Variants in SNX10 observed in about 807,000 individuals in gnomAD.
SNX10 encodes the protein sorting nexin 10, also known as sorting nexin-10.
Under a neutral mutation model 28.5 loss-of-function variants are expected in SNX10, and 25 were observed. The ratio of observed to expected loss-of-function variants is 0.88; its 90% CI spans 0.64 to 1.22. SNX10 has a LOEUF of 1.22. Among genes scored for constraint, SNX10 ranks in the 50% most tolerant of loss-of-function variants. The probability of loss-of-function intolerance (pLI) is 0.00; values close to 1 mark genes in which losing one functional copy is unlikely to be tolerated. For missense variants in SNX10, 223 were observed against 242.6 expected, an observed-to-expected ratio of 0.92 and a Z score of 0.54; for synonymous variants, 62 against 81.4, an observed-to-expected ratio of 0.76 and a Z score of 1.28.
intron 1 of SNX10, among the ~76,000 whole-genome samples, chr7:26,304,119 A>G (rs553699603): frequency 3.4e-4 from 51 of 152,202 alleles, no homozygotes; most frequent in Non-Finnish European, 6.3e-4. Context: ...TGCACTGTGC[A>G]GATTAGGGCT....
At chr7:26,372,350 A>C in intron 6 of SNX10, 141 bp from the exon 7 acceptor site, 1 of 677,718 alleles carries the variant, frequency 1.5e-6, no homozygotes, top group Non-Finnish European at 2.6e-6. Context: ...CTGCACTCCA[A>C]ATGGCTAATT....
intron 1 of SNX10, among the ~76,000 whole-genome samples, chr7:26,342,405 G>C (rs1386983185): frequency 6.6e-6 from 1 of 152,136 alleles, no homozygotes; most frequent in Middle Eastern, 3.2e-3. Flanking sequence ...CCATACAATT[G>C]CGCTGTCATT....
intron 1 of SNX10, among the ~76,000 whole-genome samples, chr7:26,310,497 T>C (rs2127997118): frequency 6.6e-6 from 1 of 152,266 alleles, no homozygotes; most frequent in South Asian, 2.1e-4. Context: ...AATGAAAGGA[T>C]AGAGTTCCTA....
chr7:26,356,338 T>G (rs1310772670), intron 2 of SNX10, among the ~76,000 whole-genome samples: 1 of 152,236 alleles, frequency 6.6e-6, no homozygotes, highest in Non-Finnish European at 1.5e-5. Flanking sequence ...AATAAGGTTA[T>G]TAAATTGACT....
chr7:26,340,090 AC>A lies in SNX10; in HGVS notation c.-23-6329del, dbSNP rs559582842. On this transcript the variant is annotated intron_variant, in intron 1 of 6. Coordinates refer to ENST00000338523, the MANE Select transcript of SNX10 (RefSeq NM_013322.3). ...AATATGTGATCCTTTCTCACTCCTT[AC>A]ATGTATAGTCCACAAACTTTTGGTC... is the stretch of plus-strand genomic sequence containing the variant. 3.4e-3 allele frequency among the ~76,000 whole-genome samples: 518 copies of A among 152,118 alleles called. 2 individuals carry two copies. Among genetic ancestry groups the A allele is most frequent in the Non-Finnish European group, 6.0e-3 (409 of 67,996 alleles).
chr7:26,372,536 T>C lies in SNX10; in HGVS notation c.570T>C (p.His190=). The C allele has an allele frequency of 1.2e-6, 2 of 1,610,308 alleles. No homozygotes were observed. The highest frequency in any genetic ancestry group is 1.1e-5 in the South Asian group (1 of 90,980). Residue 190 remains histidine (H), a synonymous_variant, in exon 7 of 7, where the codon CAT becomes CAC. Transcript: ENST00000338523. ...ACAGTAGTGATGACAGCAGTTCACA[T>C]GGATGTAAAGTAAATACAGCTCCGC... ...LGHSSDDSSS[H]GCKVNTAPQE...
At chr7:26,346,322 G>A in intron 1 of SNX10, 98 bp from the exon 2 acceptor site, 1 of 783,238 alleles carries the variant, frequency 1.3e-6, no homozygotes. Flanking sequence ...TGGGGCGGGG[G>A]GGGCTCTGTC....
At position 26,338,831 on chromosome 7, in the gene SNX10, G is replaced by C. The variant is rs115327213; in HGVS notation, c.-23-7589G>C. Among the ~76,000 whole-genome samples, 1,304 of 152,280 alleles carry C rather than the reference G, an allele frequency of 8.6e-3. 17 individuals are homozygous for C. Among genetic ancestry groups the C allele is most frequent in the African/African-American group, 0.03 (1,232 of 41,552 alleles). On this transcript the variant is annotated intron_variant, in intron 1 of 6. Coordinates refer to ENST00000338523, the MANE Select transcript of SNX10 (RefSeq NM_013322.3). ...TTTTCTTCCTGTCTTCTGTGCCTGG[G>C]TGGGATGGCAGAACTGCTTGAGCCA...
At chr7:26,326,825 C>A (rs929429850) in intron 1 of SNX10, among the ~76,000 whole-genome samples, 1 of 152,032 alleles carries the variant, frequency 6.6e-6, no homozygotes, top group Admixed American at 6.6e-5. Flanking sequence ...CTCAGCCTCC[C>A]AAAGTTCTGG....
rs1232229841 is a variant in SNX10 at position 26,341,436 on chromosome 7, T to A, written c.-23-4984T>A. Among the ~76,000 whole-genome samples the A allele has an allele frequency of 4.0e-5, 6 of 151,872 alleles. No homozygotes were observed. The East Asian group carries it at 1.2e-3, about 29-fold the overall frequency. On this transcript the variant is annotated intron_variant, in intron 1 of 6. Coordinates refer to ENST00000338523, the MANE Select transcript of SNX10 (RefSeq NM_013322.3). Reference sequence around the variant, plus strand: ...CTAGAGACAGCCTAGCAGAGGACACTGGGAGGCAGATATCCATACTTGGCA... The same window carrying A: ...CTAGAGACAGCCTAGCAGAGGACACAGGGAGGCAGATATCCATACTTGGCA...
At chr7:26,308,975 T>C (rs1267944024) in intron 1 of SNX10, among the ~76,000 whole-genome samples, 3 of 152,206 alleles carry the variant, frequency 2.0e-5, no homozygotes, top group African/African-American at 4.8e-5. Flanking sequence ...CAATCTTCTA[T>C]GTTGATCGAT....
At position 26,354,960 on chromosome 7, in the gene SNX10, A is replaced by G. The variant is rs534548538; in HGVS notation, c.25-6015A>G. Among the ~76,000 whole-genome samples the G allele has an allele frequency of 6.0e-5, 9 of 149,162 alleles. No homozygotes were observed. In the South Asian group the frequency reaches 1.9e-3, roughly 32 times the overall value. On this transcript the variant is annotated intron_variant, in intron 2 of 6. Transcript: ENST00000338523. The stretch of plus-strand genomic sequence containing the variant: ...AAAGTTTTTCTAAAAGTTTTCTCTG[A>G]TGTTTTGTGTTTGACATTTACATCT...
At chr7:26,318,852 T>C (rs1787196352) in intron 1 of SNX10, among the ~76,000 whole-genome samples, 1 of 152,224 alleles carries the variant, frequency 6.6e-6, no homozygotes, top group South Asian at 2.1e-4. Flanking sequence ...TTAATCCTTC[T>C]AGTAGCTGTA....
At chr7:26,346,565 A>G (rs1198223992) in intron 2 of SNX10, 99 bp downstream of exon 2, 1 of 927,930 alleles carries the variant, frequency 1.1e-6, no homozygotes, top group African/African-American at 1.6e-5. Context: ...TTGCTTGAGG[A>G]GGTTTCATGA....
chr7:26,346,375 G>T, intron 1 of SNX10, 45 bp from the exon 2 acceptor site: 1 of 1,245,128 alleles, frequency 8.0e-7, no homozygotes, highest in South Asian at 1.2e-5. Flanking sequence ...ATCCACTCCA[G>T]TTTGGAGGTT....
In SNX10 at chr7:26,315,668, C is replaced by CA. The variant is rs879370132; in HGVS notation, c.-24+23595dup. Among the ~76,000 whole-genome samples, 468 of 129,574 alleles carry CA rather than the reference C, an allele frequency of 3.6e-3. 1 individual carries two copies. The highest frequency in any genetic ancestry group is 0.012 in the Middle Eastern group (3 of 252). 85.0% of individuals were successfully genotyped at this position (129,574 alleles called of 152,430 possible). Reference sequence around the variant, plus strand: ...TGGGCGACAGAGTGAGACTCCATCTCAAAAAAAAAAAAATTGCAAAATACT... The same window carrying CA: ...TGGGCGACAGAGTGAGACTCCATCTCAAAAAAAAAAAAAATTGCAAAATACT... On this transcript the variant is annotated intron_variant, in intron 1 of 6. Transcript: ENST00000338523.
chr7:26,355,825 G>C (rs746582988), intron 2 of SNX10, among the ~76,000 whole-genome samples: 2 of 152,336 alleles, frequency 1.3e-5, no homozygotes, highest in East Asian at 3.9e-4. Context: ...GAACAAGGCA[G>C]ATCTGAGTTT....
chr7:26,321,757 A>C (rs1019419658), intron 1 of SNX10, among the ~76,000 whole-genome samples: 1 of 151,804 alleles, frequency 6.6e-6, no homozygotes, highest in Admixed American at 6.6e-5. Context: ...CAAATCATTA[A>C]ATTTTTTCAC....
intron 1 of SNX10, among the ~76,000 whole-genome samples, chr7:26,332,228 A>T (rs1192812470): frequency 2.0e-5 from 3 of 152,112 alleles, no homozygotes; most frequent in Non-Finnish European, 4.4e-5. Context: ...TGATTGCTTT[A>T]CCTCCTTGGC....
Sources: allele counts gnomAD v4.1 joint callset (sites outside exome capture counted in the v4.1 genomes callset), GRCh38; gene constraint gnomAD v4.1.1; transcripts MANE v1.5; gene names NCBI Gene and HGNC (gene_info 2026-07-23, HGNC 2026-07-21).